Variants in KMT2A observed in about 807,000 individuals in gnomAD.
The protein encoded by KMT2A is lysine methyltransferase 2A.
KMT2A carries 16 observed loss-of-function variants against 345.3 expected under a neutral mutation model. The ratio of observed to expected loss-of-function variants is 0.05; its 90% CI spans 0.03 to 0.07. The LOEUF is 0.07. KMT2A is among the 10% of genes least tolerant of loss of function. The pLI is 1.00. For missense variants in KMT2A, 3,272 were observed against 4,841.6 expected (o/e 0.68, Z 9.62); for synonymous variants, 1,599 against 1,778.6 (o/e 0.90, Z 2.54).
chr11:118,472,373 A>G lies in KMT2A; in HGVS notation c.1214A>G (p.Asn405Ser), dbSNP rs1555035869. The G allele has an allele frequency of 6.2e-7, 1 of 1,614,076 alleles. No individual in the cohort carries two copies. Among genetic ancestry groups the G allele is most frequent in the South Asian group, 1.1e-5 (1 of 91,066 alleles). Reference sequence around the variant, plus strand: ...AGAAAGGTGAAGACACAGGTCAAAAATATTCGACAGTTCATCATGCCTGTT... The same window carrying G: ...AGAAAGGTGAAGACACAGGTCAAAAGTATTCGACAGTTCATCATGCCTGTT... ...QGRKVKTQVK[N>S]IRQFIMPVVS... The change falls in exon 3 of 36, where the codon AAT becomes AGT. Residue 405 changes from asparagine to serine, a missense_variant. By Grantham distance (46) the Asn-to-Ser change is conservative (BLOSUM62 1). Around this residue, in one of 27 missense-constraint regions of KMT2A, gnomAD observed 412 missense variants for 511.0 expected, o/e 0.81. Coordinates refer to ENST00000534358, the MANE Select transcript of KMT2A (RefSeq NM_001197104.2).
chr11:118,459,235 A>C (rs1434677181), intron 1 of KMT2A, among the ~76,000 whole-genome samples: 2 of 152,004 alleles, frequency 1.3e-5, no homozygotes, highest in East Asian at 3.9e-4. Flanking sequence ...ATGCCCACCA[A>C]ATTTTTATTT....
chr11:118,507,248 G>A (rs541289679), intron 27 of KMT2A, among the ~76,000 whole-genome samples: 5 of 152,222 alleles, frequency 3.3e-5, no homozygotes, highest in African/African-American at 1.2e-4. Context: ...AATGATCCAT[G>A]GTCATGTCAC....
intron 8 of KMT2A, among the ~76,000 whole-genome samples, chr11:118,483,886 A>G (rs1168487909): frequency 2.0e-5 from 3 of 151,890 alleles, no homozygotes; most frequent in Non-Finnish European, 4.4e-5. Flanking sequence ...TTAAAAATCA[A>G]CTAGGCATGG....
intron 1 of KMT2A, among the ~76,000 whole-genome samples, chr11:118,456,551 G>A (rs904391957): frequency 6.6e-5 from 10 of 151,822 alleles, no homozygotes; most frequent in African/African-American, 2.4e-4. Flanking sequence ...TGTTGGCCAG[G>A]CTGGTCTCAA....
rs1950355119 is a variant in KMT2A, at chr11:118,493,363, A to C, written c.5178+133A>C. On this transcript the variant is annotated intron_variant, in intron 16 of 35. Coordinates refer to ENST00000534358, the MANE Select transcript of KMT2A (RefSeq NM_001197104.2). The surrounding 1 kb of genome is among the most constrained non-coding windows in gnomAD (Gnocchi z 5.8). The stretch of plus-strand genomic sequence containing the variant: ...ATTTAGAAATGTCACGTGGCTTTAG[A>C]TACCTAAAAATGTATGAGTTATTTT... 2 of 590,940 alleles carry C rather than the reference A, an allele frequency of 3.4e-6. No homozygotes were observed. Among genetic ancestry groups the C allele is most frequent in the South Asian group, 7.1e-5 (2 of 28,318 alleles). 36.6% of individuals were successfully genotyped at this position (590,940 alleles called of 1,614,324 possible).
Position 118,482,105 on chromosome 11 carries a change from G to A in KMT2A, c.4012+13G>A, listed in dbSNP as rs782119903. 8 of 1,581,790 alleles carry A rather than the reference G, an allele frequency of 5.1e-6. No homozygotes were observed. Among genetic ancestry groups the A allele is most frequent in the Non-Finnish European group, 6.8e-6 (8 of 1,168,146 alleles). ...CCACCAGAATCAGGTGAGTGAGGAGGGCAAGAAGGAATTGCTGAACCACAA... is the reference window on the plus strand; with the variant it reads ...CCACCAGAATCAGGTGAGTGAGGAGAGCAAGAAGGAATTGCTGAACCACAA... On this transcript the variant is annotated intron_variant, in intron 7 of 35. Coordinates refer to ENST00000534358, the MANE Select transcript of KMT2A (RefSeq NM_001197104.2).
Position 118,484,304 on chromosome 11 carries a change from T to A in KMT2A, c.4208T>A (p.Val1403Glu), listed in dbSNP as rs782705773. ...GCAGATGGAGTCCACAGGATCAGAG[T>A]GGACTTTAAGGTAAAGGTGTTCAGT... is the stretch of plus-strand genomic sequence containing the variant. The part of the protein sequence containing the change: ...IPADGVHRIR[V>E]DFKEDCEAEN... Residue 1403 changes from valine (V) to glutamate (E), a missense_variant, in exon 9 of 36, where the codon GTG becomes GAG. Val to Glu is a moderately radical substitution (Grantham distance 121). Around this residue, in one of 27 missense-constraint regions of KMT2A, gnomAD observed 120 missense variants for 280.4 expected, o/e 0.43. Transcript: ENST00000534358. The surrounding 1 kb of genome is among the most constrained non-coding windows in gnomAD (Gnocchi z 4.1). 6.2e-7 allele frequency: 1 copy of A among 1,613,972 alleles called. No individual in the cohort carries two copies. The highest frequency in any genetic ancestry group is 8.5e-7 in the Non-Finnish European group (1 of 1,179,952).
intron 1 of KMT2A, chr11:118,448,637 A>C (rs1415553726): frequency 6.6e-6 from 1 of 152,170 alleles, no homozygotes; most frequent in Non-Finnish European, 1.5e-5. Flanking sequence ...GGACTTTTGA[A>C]TTTCCTACTG....
Position 118,473,419 on chromosome 11 carries a change from T to C in KMT2A, c.2260T>C (p.Ser754Pro). Residue 754 changes from serine (S) to proline (P), a missense_variant, in exon 3 of 36, where the codon TCC (serine) becomes CCC (proline). Ser to Pro is a moderately conservative substitution (Grantham distance 74). Transcript: ENST00000534358. The surrounding 1 kb of genome is among the most constrained non-coding windows in gnomAD (Gnocchi z 5.2). Reference protein sequence around the residue: ...IRSEPRSPSHSMRTRSGRLSS... With the variant: ...IRSEPRSPSHPMRTRSGRLSS... ...ATCTGAACCAAGATCTCCTTCTCAC[T>C]CCATGAGGACAAGAAGTGGAAGGCT... 1 of 1,614,178 alleles carries C rather than the reference T, an allele frequency of 6.2e-7. No homozygotes were observed. Among genetic ancestry groups the C allele is most frequent in the Non-Finnish European group, 8.5e-7 (1 of 1,180,018 alleles).
rs982362723 is a variant in KMT2A at position 118,481,564 on chromosome 11, G to A, written c.3635-151G>A. The stretch of plus-strand genomic sequence containing the variant: ...ATAAATAGTGCTGCAGGAAACATGA[G>A]AGTGCAGATATCTCTTTGATATACT... On this transcript the variant is annotated intron_variant, in intron 6 of 35. Transcript: ENST00000534358. 2.4e-5 allele frequency: 18 copies of A among 760,290 alleles called. No individual in the cohort carries two copies. The African/African-American group carries it at 2.8e-4, about 12-fold the overall frequency. 47.1% of individuals were successfully genotyped at this position (760,290 alleles called of 1,614,324 possible).
In KMT2A at chr11:118,436,503, C is replaced by A. The variant is rs1228489148; in HGVS notation, c.-10C>A. On this transcript the variant is annotated 5_prime_UTR_variant, in exon 1 of 36. Coordinates refer to ENST00000534358, the MANE Select transcript of KMT2A (RefSeq NM_001197104.2). This position sits in a 1 kb window ranked among gnomAD's most constrained non-coding sequence, Gnocchi z 6.9. Reference sequence around the variant, plus strand: ...CTCTCCCTCTCGCTGCTTCACTTCACGGGGCGAACATGGCGCACAGCTGTC... The same window carrying A: ...CTCTCCCTCTCGCTGCTTCACTTCAAGGGGCGAACATGGCGCACAGCTGTC... 1.8e-5 allele frequency: 23 copies of A among 1,259,678 alleles called. No individual in the cohort carries two copies. Among genetic ancestry groups the A allele is most frequent in the Non-Finnish European group, 2.3e-5 (23 of 991,338 alleles). 78.0% of individuals were successfully genotyped at this position (1,259,678 alleles called of 1,614,324 possible).
At chr11:118,501,283 C>A in intron 25 of KMT2A, 136 bp downstream of exon 25, 2 of 740,416 alleles carry the variant, frequency 2.7e-6, no homozygotes, top group East Asian at 5.5e-5. Flanking sequence ...CATGGTGAAA[C>A]CCCATCTCTA....
intron 5 of KMT2A, 139 bp downstream of exon 5, chr11:118,478,340 G>A: frequency 1.5e-6 from 1 of 658,526 alleles, no homozygotes; most frequent in South Asian, 1.9e-5. Context: ...GTTAGATTTT[G>A]TGGTGTGGGC....
rs782001089 is a variant in KMT2A, at chr11:118,501,732, G to A, written c.6380G>A (p.Arg2127Gln). Residue 2127 changes from arginine to glutamine, a missense_variant, in exon 26 of 36, where the codon CGA becomes CAA. Physicochemically the swap from Arg to Gln is conservative, Grantham distance 43 (BLOSUM62 1). Around this residue, in one of 27 missense-constraint regions of KMT2A, gnomAD observed 66 missense variants for 73.9 expected, o/e 0.89. Transcript: ENST00000534358. ...ATTATAAGTCCTCCATCACCAGACC[G>A]ACCTCCTCATTCACAAACCTCTGGC... is the stretch of plus-strand genomic sequence containing the variant. ...AEIISPPSPD[R>Q]PPHSQTSGSC... The A allele has an allele frequency of 9.9e-6, 16 of 1,613,780 alleles. No homozygotes were observed. The highest frequency in any genetic ancestry group is 7.7e-5 in the South Asian group (7 of 91,056).
Position 118,436,588 on chromosome 11 carries a change from G to A in KMT2A, c.76G>A (p.Gly26Ser). 1 of 1,172,900 alleles carries A rather than the reference G, an allele frequency of 8.5e-7. No homozygotes were observed. Among genetic ancestry groups the A allele is most frequent in the Non-Finnish European group, 1.1e-6 (1 of 942,074 alleles). The allele number at this position is 1,172,900 out of a possible 1,614,324, so 72.7% of individuals were successfully genotyped here. A position where few individuals can be genotyped will look rare whatever the true frequency, so the allele number is the denominator to read the frequency against. Reference protein sequence around the residue: ...TGGGGGGGRRGLGGAPRQRVP... With the variant: ...TGGGGGGGRRSLGGAPRQRVP... ...GGGCGGCGGCGGCGGGGGGCGCCGGGGCCTAGGGGGCGCCCCGCGGCAACG... is the reference window on the plus strand; with the variant it reads ...GGGCGGCGGCGGCGGGGGGCGCCGGAGCCTAGGGGGCGCCCCGCGGCAACG... The change falls in exon 1 of 36, where the codon GGC (glycine) becomes AGC (serine). Residue 26 changes from glycine (G) to serine (S), a missense_variant. Around this residue, in one of 27 missense-constraint regions of KMT2A, gnomAD observed 412 missense variants for 511.0 expected, o/e 0.81. Coordinates refer to ENST00000534358, the MANE Select transcript of KMT2A (RefSeq NM_001197104.2). This position sits in a 1 kb window ranked among gnomAD's most constrained non-coding sequence, Gnocchi z 6.9.
Position 118,523,752 on chromosome 11 carries a change from C to T in KMT2A, c.*1580C>T, listed in dbSNP as rs185883375. ...GCTGTACACACAAAGTCTGGTTTTTCCTGCCCAACTTCCCCCTGGAAGGTG... is the reference window on the plus strand; with the variant it reads ...GCTGTACACACAAAGTCTGGTTTTTTCTGCCCAACTTCCCCCTGGAAGGTG... On this transcript the variant is annotated 3_prime_UTR_variant, in exon 36 of 36. Transcript: ENST00000534358. 1.0e-3 allele frequency: 225 copies of T among 219,104 alleles called. No individual in the cohort carries two copies. Among genetic ancestry groups the T allele is most frequent in the African/African-American group, 2.4e-3 (106 of 44,660 alleles). The allele number at this position is 219,104 out of a possible 1,614,324, so 13.6% of individuals were successfully genotyped here. A position where few individuals can be genotyped will look rare whatever the true frequency, so the allele number is the denominator to read the frequency against.
chr11:118,484,049 A>G lies in KMT2A; in HGVS notation c.4087-134A>G. Reference sequence around the variant, plus strand: ...CCAGTCTCTTTTAAAAAAAAATTCAAAGATTATTTGTTTATGTTGGAAACA... The same window carrying G: ...CCAGTCTCTTTTAAAAAAAAATTCAGAGATTATTTGTTTATGTTGGAAACA... On this transcript the variant is annotated intron_variant, in intron 8 of 35. Coordinates refer to ENST00000534358, the MANE Select transcript of KMT2A (RefSeq NM_001197104.2). The surrounding 1 kb of genome is among the most constrained non-coding windows in gnomAD (Gnocchi z 4.1). 2.1e-6 allele frequency: 2 copies of G among 938,982 alleles called. No individual in the cohort carries two copies. The highest frequency in any genetic ancestry group is 3.1e-6 in the Non-Finnish European group (2 of 638,474). 58.2% of individuals were successfully genotyped at this position (938,982 alleles called of 1,614,324 possible).
Position 118,503,336 on chromosome 11 carries a change from T to C in KMT2A, c.7444T>C (p.Cys2482Arg), listed in dbSNP as rs1950531591. 11 of 1,613,988 alleles carry C rather than the reference T, an allele frequency of 6.8e-6. No individual in the cohort carries two copies. The highest frequency in any genetic ancestry group is 9.3e-6 in the Non-Finnish European group (11 of 1,180,000). ...LTPEYMGQRP[C>R]NNVSSDKIGD... ...TCCTGAGTATATGGGCCAACGACCA[T>C]GTAACAATGTTTCTTCTGATAAGAT... Residue 2482 changes from cysteine to arginine, a missense_variant, in exon 27 of 36, where the codon TGT becomes CGT. Cys to Arg is a radical substitution (Grantham distance 180, BLOSUM62 -3). This residue lies in a region of KMT2A where 445 missense variants were observed against 500.9 expected (regional missense o/e 0.89). Transcript: ENST00000534358. This position sits in a 1 kb window ranked among gnomAD's most constrained non-coding sequence, Gnocchi z 5.3.
At position 118,490,093 on chromosome 11, in the gene KMT2A, A is replaced by G. The variant is rs1950301589; in HGVS notation, c.4576-36A>G. 1 of 1,588,214 alleles carries G rather than the reference A, an allele frequency of 6.3e-7. No homozygotes were observed. The highest frequency in any genetic ancestry group is 8.5e-7 in the Non-Finnish European group (1 of 1,170,904). On this transcript the variant is annotated intron_variant, in intron 12 of 35. Coordinates refer to ENST00000534358, the MANE Select transcript of KMT2A (RefSeq NM_001197104.2). This position sits in a 1 kb window ranked among gnomAD's most constrained non-coding sequence, Gnocchi z 4.2. ...TAGTTAAGTAAAGATATTAAAAACA[A>G]GAAATTCCTATTGAATTTCTTTTCT... is the stretch of plus-strand genomic sequence containing the variant.
Sources: allele counts gnomAD v4.1 joint callset (sites outside exome capture counted in the v4.1 genomes callset), GRCh38; gene constraint gnomAD v4.1.1; regional missense constraint gnomAD v4.1.1; non-coding constraint Gnocchi (gnomAD v3.1); transcripts MANE v1.5; gene names NCBI Gene and HGNC (gene_info 2026-07-23, HGNC 2026-07-21).